DST: variants seen among roughly 807,000 people sequenced by gnomAD.
DST encodes bullous pemphigoid antigen.
DST carries 253 observed loss-of-function variants against 875.2 expected under a neutral mutation model. The observed-to-expected ratio is 0.29, with a 90% CI of 0.26 to 0.32. The LOEUF (loss-of-function observed/expected upper bound fraction) is 0.32. DST is among the 10% of genes least tolerant of loss of function. The pLI is 1.00. For missense variants in DST, 8,287 were observed against 9,111.6 expected (o/e 0.91, Z 3.68); for synonymous variants, 3,124 against 3,197.1 (o/e 0.98, Z 0.77).
intron 2 of DST, among the ~76,000 whole-genome samples, chr6:56,949,189 A>T (rs756659063): frequency 1.3e-5 from 2 of 152,222 alleles, no homozygotes; most frequent in Non-Finnish European, 2.9e-5. Context: ...TTTTGTTTCA[A>T]TTCTAATCTA....
intron 2 of DST, among the ~76,000 whole-genome samples, chr6:56,949,915 A>C (rs1821502020): frequency 1.3e-5 from 2 of 152,248 alleles, no homozygotes; most frequent in African/African-American, 4.8e-5. Flanking sequence ...CTTGAGGAAC[A>C]TAATGAGGAC....
intron 3 of DST, chr6:56,864,194 T>G (rs774537627): frequency 2.0e-5 from 3 of 152,242 alleles, no homozygotes; most frequent in Non-Finnish European, 4.4e-5. Flanking sequence ...GTTTCCAGCC[T>G]GATACCCTGA....
At chr6:56,548,453 C>A (rs1363282427) in intron 61 of DST, among the ~76,000 whole-genome samples, 1 of 152,202 alleles carries the variant, frequency 6.6e-6, no homozygotes, top group Non-Finnish European at 1.5e-5. Context: ...GGCTGTTAAT[C>A]ACATAATAGG....
chr6:56,497,833 T>A, intron 81 of DST, 23 bp downstream of exon 81: 1 of 1,563,140 alleles, frequency 6.4e-7, no homozygotes, highest in South Asian at 1.2e-5. Context: ...ATAAAAACTT[T>A]CAGAATTTAT....
intron 37 of DST, among the ~76,000 whole-genome samples, chr6:56,614,038 T>C (rs908085333): frequency 6.6e-6 from 1 of 152,210 alleles, no homozygotes; most frequent in African/African-American, 2.4e-5. Flanking sequence ...TAAAACAGAA[T>C]GACTCTGCTC....
intron 55 of DST, among the ~76,000 whole-genome samples, chr6:56,562,435 A>G (rs2097551875): frequency 6.6e-6 from 1 of 151,862 alleles, no homozygotes. Context: ...TATATTATAT[A>G]AATTAATCAT....
intron 37 of DST, among the ~76,000 whole-genome samples, chr6:56,612,198 T>C (rs1432959344): frequency 2.6e-5 from 4 of 152,094 alleles, no homozygotes; most frequent in African/African-American, 7.2e-5. Context: ...TGGTGAAATA[T>C]TGTCTCTATG....
At chr6:56,488,171 T>C (rs1458741443) in intron 86 of DST, among the ~76,000 whole-genome samples, 1 of 152,134 alleles carries the variant, frequency 6.6e-6, no homozygotes, top group Non-Finnish European at 1.5e-5. Context: ...AGAATGCCAG[T>C]GTTATAGAAT....
intron 4 of DST, among the ~76,000 whole-genome samples, chr6:56,741,045 CT>C (rs1358392443): frequency 6.6e-6 from 1 of 152,040 alleles, no homozygotes; most frequent in African/African-American, 2.4e-5. Flanking sequence ...TAGATTTCTT[CT>C]TTTCTAAGTG....
At chr6:56,921,586 CAT>C (rs749318749) in intron 2 of DST, among the ~76,000 whole-genome samples, 1 of 152,140 alleles carries the variant, frequency 6.6e-6, no homozygotes, top group Non-Finnish European at 1.5e-5. Context: ...TACTAATTCA[CAT>C]AGTGTTAAAG....
intron 4 of DST, among the ~76,000 whole-genome samples, chr6:56,836,100 A>G (rs992293317): frequency 2.6e-5 from 4 of 152,232 alleles, no homozygotes; most frequent in African/African-American, 7.2e-5. Context: ...AATAAAAGTA[A>G]TATCTATAAA....
intron 5 of DST, among the ~76,000 whole-genome samples, chr6:56,726,431 A>G (rs1391304378): frequency 1.3e-5 from 2 of 152,224 alleles, no homozygotes; most frequent in Non-Finnish European, 2.9e-5. Context: ...CATCTACAAT[A>G]AGACAACAGT....
intron 4 of DST, among the ~76,000 whole-genome samples, chr6:56,785,205 C>A (rs1395689974): frequency 6.6e-6 from 1 of 152,238 alleles, no homozygotes; most frequent in African/African-American, 2.4e-5. Flanking sequence ...ATTATCAGAT[C>A]TCCAGCTGAG....
chr6:56,644,783 G>T (rs1169636543), intron 15 of DST, among the ~76,000 whole-genome samples: 2 of 152,178 alleles, frequency 1.3e-5, no homozygotes, highest in African/African-American at 4.8e-5. Context: ...AAGGGGGCTG[G>T]AGAGGTGTGT....
chr6:56,731,437 T>C (rs114753233), intron 5 of DST, among the ~76,000 whole-genome samples: 247 of 152,354 alleles, frequency 1.6e-3, no homozygotes, highest in African/African-American at 5.7e-3. Flanking sequence ...AGAAACACAA[T>C]AGTTTGTTAA....
chr6:56,674,948 A>G (rs1309043341), intron 9 of DST, among the ~76,000 whole-genome samples: 3 of 152,216 alleles, frequency 2.0e-5, no homozygotes, highest in Non-Finnish European at 4.4e-5. Flanking sequence ...GACCCCAAAT[A>G]GTCAAAGCAA....
intron 77 of DST, among the ~76,000 whole-genome samples, chr6:56,505,291 G>A (rs1315551050): frequency 6.6e-6 from 1 of 152,130 alleles, no homozygotes; most frequent in African/African-American, 2.4e-5. Context: ...TAGTGATAAA[G>A]AGACTATACA....
At chr6:56,850,854 A>G (rs1281594719) in intron 4 of DST, among the ~76,000 whole-genome samples, 22 of 152,244 alleles carry the variant, frequency 1.4e-4, no homozygotes, top group Admixed American at 1.2e-3. Flanking sequence ...CCAAACCCTC[A>G]AAAGCACTAA....
chr6:56,735,158 TA>T, intron 5 of DST, 69 bp downstream of exon 5: 1 of 1,043,146 alleles, frequency 9.6e-7, no homozygotes, highest in Non-Finnish European at 1.4e-6. Context: ...CAGAGCTATA[TA>T]ATCAATTACT....
Sources: gnomAD v4.1 joint callset for allele counts (sites outside exome capture counted in the v4.1 genomes callset) on GRCh38, gnomAD v4.1.1 for gene constraint, MANE v1.5 for transcripts, NCBI Gene and HGNC (gene_info 2026-07-23, HGNC 2026-07-21) for gene names.